IST1: variants seen among roughly 807,000 people sequenced by gnomAD.
IST1 encodes IST1 homolog.
A neutral mutation model predicts 37.0 loss-of-function variants in IST1; 23 were observed. The ratio of observed to expected loss-of-function variants is 0.62; its 90% CI spans 0.45 to 0.88. IST1 has a LOEUF of 0.88. IST1 is among the 40% of genes least tolerant of loss of function. The probability of loss-of-function intolerance (pLI) is 0.00; values close to 1 mark genes in which losing one functional copy is unlikely to be tolerated. For missense variants in IST1, 488 were observed against 445.4 expected (o/e 1.10, Z -0.86); for synonymous variants, 180 against 161.7 (o/e 1.11, Z -0.86).
intron 1 of IST1, among the ~76,000 whole-genome samples, chr16:71,897,491 A>G (rs538959084): frequency 6.6e-6 from 1 of 152,312 alleles, no homozygotes; most frequent in South Asian, 2.1e-4. Context: ...TAAGATAATC[A>G]GAATCAAGTC....
rs1438319442 is a variant in IST1, at chr16:71,929,915, G to C, written c.*2102G>C. ...AATTGGGTTTCCTAGGAAGATAGCT[G>C]GCAGAGCTTTTGAAACTAATAAAGG... On this transcript the variant is annotated 3_prime_UTR_variant, in exon 10 of 10. Transcript: ENST00000378799. The C allele has an allele frequency of 3.4e-6, 4 of 1,161,358 alleles. No individual in the cohort carries two copies. The highest frequency in any genetic ancestry group is 4.7e-6 in the Non-Finnish European group (4 of 844,774). The allele number at this position is 1,161,358 out of a possible 1,614,324, so 71.9% of individuals were successfully genotyped here. A position where few individuals can be genotyped will look rare whatever the true frequency, so the allele number is the denominator to read the frequency against.
chr16:71,918,333 A>G (rs988567953), intron 4 of IST1, among the ~76,000 whole-genome samples: 9 of 152,050 alleles, frequency 5.9e-5, no homozygotes, highest in African/African-American at 9.6e-5. Context: ...TAAACTTCCA[A>G]TAGTCCAATA....
At chr16:71,906,238 C>T (rs943217510) in intron 1 of IST1, among the ~76,000 whole-genome samples, 11 of 151,794 alleles carry the variant, frequency 7.2e-5, no homozygotes, top group East Asian at 5.8e-4. Context: ...CTCCTGACCT[C>T]GTGATCCACC....
At chr16:71,894,930 G>T, upstream of IST1, 1 of 1,076,436 alleles carries the variant, frequency 9.3e-7, no homozygotes, top group South Asian at 1.3e-5. Flanking sequence ...TGGTGCTGAG[G>T]AAACACTACT....
chr16:71,898,897 G>A lies in IST1; in HGVS notation c.-16+3308G>A, dbSNP rs191943997. Among the ~76,000 whole-genome samples, 1,198 of 151,018 alleles carry A rather than the reference G, an allele frequency of 7.9e-3. 6 individuals carry two copies. The highest frequency in any genetic ancestry group is 0.014 in the Non-Finnish European group (968 of 67,816). ...GGAGAATCACTTGAACCTAGGAGGCGGAGATTGCAGTGAGCCGAGATGGCA... is the reference window on the plus strand; with the variant it reads ...GGAGAATCACTTGAACCTAGGAGGCAGAGATTGCAGTGAGCCGAGATGGCA... On this transcript the variant is annotated intron_variant, in intron 1 of 9. Coordinates refer to ENST00000378799, the MANE Select transcript of IST1 (RefSeq NM_001270975.2).
intron 1 of IST1, among the ~76,000 whole-genome samples, chr16:71,902,113 T>C (rs1304328604): frequency 6.6e-6 from 1 of 152,236 alleles, no homozygotes; most frequent in African/African-American, 2.4e-5. Context: ...CACAATGTGC[T>C]AATTTCTTTA....
intron 9 of IST1, 141 bp downstream of exon 9, chr16:71,924,958 T>C (rs1465846608): frequency 3.2e-6 from 2 of 624,488 alleles, no homozygotes; most frequent in Non-Finnish European, 5.7e-6. Context: ...AATGCTAAAA[T>C]AGAACTCAGG....
At chr16:71,925,113 C>G (rs983072085) in intron 9 of IST1, among the ~76,000 whole-genome samples, 3 of 142,862 alleles carry the variant, frequency 2.1e-5, no homozygotes, top group African/African-American at 5.3e-5. Context: ...CCCGGGTTCA[C>G]GCCATTCTCC....
chr16:71,908,771 C>T (rs961243724), intron 1 of IST1, among the ~76,000 whole-genome samples: 6 of 152,168 alleles, frequency 3.9e-5, no homozygotes, highest in African/African-American at 1.4e-4. Flanking sequence ...TGCTGATGCT[C>T]ATTTCCGGGT....
intron 1 of IST1, among the ~76,000 whole-genome samples, chr16:71,909,095 C>CT (rs34086105): frequency 0.074 from 7,654 of 102,894 alleles, 1,119 homozygotes; most frequent in African/African-American, 0.24. Context: ...TTTTGTTTGT[C>CT]TTTTTTTTTT....
Position 71,927,539 on chromosome 16 carries a change from T to C in IST1, c.902-75T>C. Reference sequence around the variant, plus strand: ...AAGGTTTTCTCCTGTGTTTTGATCATTTTATTTTTACTGCCAAAGGGGATC... The same window carrying C: ...AAGGTTTTCTCCTGTGTTTTGATCACTTTATTTTTACTGCCAAAGGGGATC... On this transcript the variant is annotated intron_variant, in intron 9 of 9. Transcript: ENST00000378799. The C allele has an allele frequency of 1.2e-5, 13 of 1,091,692 alleles. No individual in the cohort carries two copies. The South Asian group carries it at 1.6e-4, about 13-fold the overall frequency. The allele number at this position is 1,091,692 out of a possible 1,614,324, so 67.6% of individuals were successfully genotyped here.
intron 7 of IST1, 168 bp downstream of exon 7, chr16:71,922,848 A>C: frequency 3.2e-6 from 2 of 631,882 alleles, no homozygotes; most frequent in East Asian, 2.7e-5. Context: ...GATTCAGAGA[A>C]GGTCTTCTAG....
At chr16:71,907,206 C>T (rs1350707151) in intron 1 of IST1, among the ~76,000 whole-genome samples, 39 of 143,126 alleles carry the variant, frequency 2.7e-4, no homozygotes, top group Non-Finnish European at 4.4e-4. Flanking sequence ...TTTTTTAAAT[C>T]GAGATCTGAG....
chr16:71,901,089 A>C (rs1046416795), intron 1 of IST1, among the ~76,000 whole-genome samples: 1 of 152,226 alleles, frequency 6.6e-6, no homozygotes, highest in Non-Finnish European at 1.5e-5. Context: ...AGAATATTTT[A>C]TTAACTTTTA....
rs778974805 is a variant in IST1, at chr16:71,928,817, T to C, written c.*1004T>C. 5 of 152,232 alleles carry C rather than the reference T, an allele frequency of 3.3e-5. No homozygotes were observed. Among genetic ancestry groups the C allele is most frequent in the Admixed American group, 6.5e-5 (1 of 15,288 alleles). 9.4% of individuals were successfully genotyped at this position (152,232 alleles called of 1,614,324 possible). A position where few individuals can be genotyped will look rare whatever the true frequency, so the allele number is the denominator to read the frequency against. ...TGGATGGGACTCTTATGTCATAACT[T>C]CTGTTACTCCTTTGGCCCATAGCTA... On this transcript the variant is annotated 3_prime_UTR_variant, in exon 10 of 10. Coordinates refer to ENST00000378799, the MANE Select transcript of IST1 (RefSeq NM_001270975.2).
At chr16:71,894,897 A>G (rs1342928481), upstream of IST1, 5 of 1,371,038 alleles carry the variant, frequency 3.6e-6, no homozygotes, top group South Asian at 3.7e-5. Context: ...ACCGAGATAA[A>G]TTAGGGAAAT....
chr16:71,909,058 A>G (rs573658687), intron 1 of IST1, among the ~76,000 whole-genome samples: 130 of 146,798 alleles, frequency 8.9e-4, no homozygotes, highest in Middle Eastern at 3.6e-3. Context: ...TGTCTGCTGC[A>G]TAGTATTCTG....
At chr16:71,906,404 T>C (rs1354670885) in intron 1 of IST1, among the ~76,000 whole-genome samples, 3 of 152,014 alleles carry the variant, frequency 2.0e-5, no homozygotes, top group Non-Finnish European at 2.9e-5. Flanking sequence ...ACCTACTGTG[T>C]TCAAGCGGTT....
rs530106752 is a variant in IST1 at position 71,924,904 on chromosome 16, T to G, written c.901+87T>G. ...TATTGTTCCTCCCTTAGAGACTGTT[T>G]CCATGTCCATGGACTTCTATCTGCA... On this transcript the variant is annotated intron_variant, in intron 9 of 9. Coordinates refer to ENST00000378799, the MANE Select transcript of IST1 (RefSeq NM_001270975.2). 1.5e-5 allele frequency: 14 copies of G among 919,276 alleles called. No individual in the cohort carries two copies. In the African/African-American group the frequency reaches 1.6e-4, roughly 11 times the overall value. 56.9% of individuals were successfully genotyped at this position (919,276 alleles called of 1,614,324 possible).
Sources: allele counts gnomAD v4.1 joint callset (sites outside exome capture counted in the v4.1 genomes callset), GRCh38; gene constraint gnomAD v4.1.1; transcripts MANE v1.5; gene names NCBI Gene and HGNC (gene_info 2026-07-23, HGNC 2026-07-21).